Variants in ZNF709 observed in about 807,000 individuals in gnomAD.
ZNF709 encodes the protein zinc finger protein 709.
Under a neutral mutation model 10.6 loss-of-function variants are expected in ZNF709, and 15 were observed. The ratio of observed to expected loss-of-function variants is 1.41; its 90% CI spans 0.95 to 2.18. ZNF709 has a LOEUF of 2.18. Ranked by LOEUF, ZNF709 falls within the 30% of genes most tolerant of loss-of-function variation. The probability of loss-of-function intolerance (pLI) is 0.00; values close to 1 mark genes in which losing one functional copy is unlikely to be tolerated. For synonymous variants in ZNF709, 194 were observed against 238.8 expected, an observed-to-expected ratio of 0.81 and a Z score of 1.73; for missense variants, 589 against 774.0, an observed-to-expected ratio of 0.76 and a Z score of 2.84.
rs1970532901 is a variant in ZNF709, at chr19:12,463,406, G to T, written c.*590C>A. ...TTTTCCACATTCTTTACATTTTTAA[G>T]GTTATAAATTCTTTACATTTATAGG... On this transcript the variant is annotated 3_prime_UTR_variant, in exon 4 of 4. Coordinates refer to ENST00000397732, the MANE Select transcript of ZNF709 (RefSeq NM_152601.4). 1 of 152,010 alleles carries T rather than the reference G, an allele frequency of 6.6e-6. No individual in the cohort carries two copies. Among genetic ancestry groups the T allele is most frequent in the African/African-American group, 2.4e-5 (1 of 41,378 alleles). The allele number at this position is 152,010 out of a possible 1,614,324, so 9.4% of individuals were successfully genotyped here. A position where few individuals can be genotyped will look rare whatever the true frequency, so the allele number is the denominator to read the frequency against.
rs1224023868 is a variant in ZNF709 at position 12,484,582 on chromosome 19, AC to A, written c.3+72del. The A allele has an allele frequency of 3.8e-6, 6 of 1,582,460 alleles. No individual in the cohort carries two copies. In the Admixed American group the frequency reaches 1.0e-4, roughly 27 times the overall value. On this transcript the variant is annotated intron_variant, in intron 1 of 3. Transcript: ENST00000397732. The stretch of plus-strand genomic sequence containing the variant: ...ACAACGGCGGGGAGGCCTGGGTCCC[AC>A]CACAGCCAGATCCGGCCGGTTTCAA...
intron 1 of ZNF709, among the ~76,000 whole-genome samples, chr19:12,470,703 G>A (rs1356039958): frequency 6.6e-6 from 1 of 152,006 alleles, no homozygotes; most frequent in Non-Finnish European, 1.5e-5. Context: ...TGAGGTGGGC[G>A]GATCACAAGG....
In ZNF709 at chr19:12,466,521, T is replaced by C; in HGVS notation, c.131-2A>G. ...TGTTCTTCTCCTCCCAGTTTTCCCCTAAAATGCAGGCCCAGAAAAATCATT... is the reference window on the plus strand; with the variant it reads ...TGTTCTTCTCCTCCCAGTTTTCCCCCAAAATGCAGGCCCAGAAAAATCATT... On this transcript the variant is annotated splice_acceptor_variant, in intron 2 of 3. Coordinates refer to ENST00000397732, the MANE Select transcript of ZNF709 (RefSeq NM_152601.4). LOFTEE classifies it high-confidence loss of function. 2.5e-6 allele frequency: 4 copies of C among 1,614,042 alleles called. No individual in the cohort carries two copies. Among genetic ancestry groups the C allele is most frequent in the Non-Finnish European group, 3.4e-6 (4 of 1,179,990 alleles).
intron 1 of ZNF709, among the ~76,000 whole-genome samples, chr19:12,483,456 A>T (rs377184176): frequency 6.6e-6 from 1 of 151,830 alleles, no homozygotes; most frequent in East Asian, 1.9e-4. Context: ...TCCTAGCTTG[A>T]TATTTTATTA....
intron 1 of ZNF709, among the ~76,000 whole-genome samples, chr19:12,470,166 G>C (rs935595518): frequency 2.6e-5 from 4 of 152,108 alleles, no homozygotes; most frequent in African/African-American, 9.7e-5. Context: ...ATGAGATCCC[G>C]ACACCAAAGC....
chr19:12,466,222 T>A (rs1970569611), intron 3 of ZNF709, among the ~76,000 whole-genome samples: 1 of 152,342 alleles, frequency 6.6e-6, no homozygotes, highest in Admixed American at 6.5e-5. Context: ...ATTACAGGCA[T>A]GAGCCACCAT....
chr19:12,470,844 G>A (rs938411506), intron 1 of ZNF709, among the ~76,000 whole-genome samples: 1 of 151,240 alleles, frequency 6.6e-6, no homozygotes, highest in Non-Finnish European at 1.5e-5. Flanking sequence ...GGAGAATGGC[G>A]TGAACCCGGG....
chr19:12,480,666 G>C (rs889335930), intron 1 of ZNF709, among the ~76,000 whole-genome samples: 6 of 145,894 alleles, frequency 4.1e-5, no homozygotes. Flanking sequence ...CTGGGCGACA[G>C]AGCAAGACTC....
rs1275956430 is a variant in ZNF709 at position 12,465,042 on chromosome 19, A to G, written c.880T>C (p.Ser294Pro). The G allele has an allele frequency of 6.2e-7, 1 of 1,612,814 alleles. No homozygotes were observed. The highest frequency in any genetic ancestry group is 8.5e-7 in the Non-Finnish European group (1 of 1,179,636). Residue 294 changes from serine to proline, a missense_variant, in exon 4 of 4, where the codon TCC (serine) becomes CCC (proline). This residue lies in a region of ZNF709 where 418 missense variants were observed against 496.3 expected (regional missense o/e 0.84). Coordinates refer to ENST00000397732, the MANE Select transcript of ZNF709 (RefSeq NM_152601.4). Reference protein sequence around the residue: ...QCGKALSCPTSFRSHERIHTG... With the variant: ...QCGKALSCPTPFRSHERIHTG... ...TGAATCCTTTCATGACTTCGAAAGG[A>G]TGTGGGACAACTAAGAGCTTTACCA...
intron 3 of ZNF709, 148 bp downstream of exon 3, chr19:12,466,314 T>C (rs980592884): frequency 1.5e-6 from 1 of 681,624 alleles, no homozygotes; most frequent in Non-Finnish European, 2.4e-6. Context: ...ATCTGTACCA[T>C]TTTTAAGAAA....
At chr19:12,471,451 C>G (rs1159553497) in intron 1 of ZNF709, among the ~76,000 whole-genome samples, 2 of 151,972 alleles carry the variant, frequency 1.3e-5, no homozygotes, top group African/African-American at 4.8e-5. Context: ...TTCTACAAAT[C>G]CCTAAAATAG....
At position 12,465,557 on chromosome 19, in the gene ZNF709, C is replaced by T. The variant is rs757070588; in HGVS notation, c.365G>A (p.Arg122Lys). Reference sequence around the variant, plus strand: ...ATATGATCTATGTTCAGTATGAGATCTCATGTGCCTATTAAGAGATGAATG... The same window carrying T: ...ATATGATCTATGTTCAGTATGAGATTTCATGTGCCTATTAAGAGATGAATG... ...MCHSSLNRHM[R>K]SHTEHRSYEY... Residue 122 changes from arginine to lysine, a missense_variant, in exon 4 of 4, where the codon AGA becomes AAA. Around this residue, in one of 2 missense-constraint regions of ZNF709, gnomAD observed 418 missense variants for 496.3 expected, o/e 0.84. Transcript: ENST00000397732. The T allele has an allele frequency of 6.2e-7, 1 of 1,613,900 alleles. No individual in the cohort carries two copies. Among genetic ancestry groups the T allele is most frequent in the Non-Finnish European group, 8.5e-7 (1 of 1,179,964 alleles).
intron 1 of ZNF709, among the ~76,000 whole-genome samples, chr19:12,477,660 CATAAG>C (rs1191639370): frequency 6.6e-6 from 1 of 152,176 alleles, no homozygotes; most frequent in African/African-American, 2.4e-5. Flanking sequence ...TAATACATTA[CATAAG>C]ATGTTAAAAT....
At chr19:12,477,231 C>T (rs1474517001) in intron 1 of ZNF709, among the ~76,000 whole-genome samples, 3 of 152,280 alleles carry the variant, frequency 2.0e-5, no homozygotes, top group African/African-American at 4.8e-5. Context: ...ACGAGAAGCA[C>T]GGGGAATAAT....
At chr19:12,470,810 C>G (rs987026064) in intron 1 of ZNF709, among the ~76,000 whole-genome samples, 1 of 151,812 alleles carries the variant, frequency 6.6e-6, no homozygotes, top group Non-Finnish European at 1.5e-5. Context: ...GCCTGTAGTC[C>G]CAGCTACTCG....
chr19:12,464,036 C>T lies in ZNF709; in HGVS notation c.1886G>A (p.Arg629His), dbSNP rs183982301. 20 of 1,516,796 alleles carry T rather than the reference C, an allele frequency of 1.3e-5. No individual in the cohort carries two copies. Among genetic ancestry groups the T allele is most frequent in the South Asian group, 7.1e-5 (5 of 70,616 alleles). The allele number at this position is 1,516,796 out of a possible 1,614,324, so 94.0% of individuals were successfully genotyped here. Residue 629 changes from arginine (R) to histidine (H), a missense_variant, in exon 4 of 4, where the codon CGT becomes CAT. Arg to His is a conservative substitution (Grantham distance 29, BLOSUM62 0). Transcript: ENST00000397732. ...QQCGKAFKCS[R>H]SFRIHERVHS... The stretch of plus-strand genomic sequence containing the variant: ...AACTCTTTCATGTATTCGAAAGGAA[C>T]GGGAACACTTGAAGGCTTTACCACA...
chr19:12,481,322 A>C (rs1970725043), intron 1 of ZNF709: 3 of 264,848 alleles, frequency 1.1e-5, no homozygotes, highest in East Asian at 1.9e-4. Context: ...CTCCCCTGCA[A>C]CCCGGGGTTC....
Position 12,465,531 on chromosome 19 carries a change from C to T in ZNF709, c.391G>A (p.Glu131Lys). ...MRSHTEHRSY[E>K]YHKYGEKSYE... is the part of the protein sequence containing the mutation. ...GATTTCTCTCCATATTTGTGATATT[C>T]ATATGATCTATGTTCAGTATGAGAT... Residue 131 changes from glutamate (E) to lysine (K), a missense_variant, in exon 4 of 4, where the codon GAA becomes AAA. Transcript: ENST00000397732. 6.2e-7 allele frequency: 1 copy of T among 1,612,368 alleles called. No individual in the cohort carries two copies. The highest frequency in any genetic ancestry group is 8.5e-7 in the Non-Finnish European group (1 of 1,179,546).
At chr19:12,470,217 C>T (rs139422695) in intron 1 of ZNF709, among the ~76,000 whole-genome samples, 34 of 152,226 alleles carry the variant, frequency 2.2e-4, no homozygotes, top group African/African-American at 8.2e-4. Context: ...AAATCTTGGC[C>T]TTTGAAAAAG....
Sources: gnomAD v4.1 joint callset for allele counts (sites outside exome capture counted in the v4.1 genomes callset) on GRCh38, gnomAD v4.1.1 for gene constraint, gnomAD v4.1.1 regional missense constraint, MANE v1.5 for transcripts, NCBI Gene and HGNC (gene_info 2026-07-23, HGNC 2026-07-21) for gene names.